ATXN1: variants seen among roughly 807,000 people sequenced by gnomAD.
The protein encoded by ATXN1 is ataxin-1.
ATXN1 carries 8 observed loss-of-function variants against 56.4 expected under a neutral mutation model. That is an observed-to-expected ratio of 0.14 (90% confidence interval 0.08 to 0.26). ATXN1 has a LOEUF of 0.26. Among genes scored for constraint, ATXN1 ranks in the 10% least tolerant of loss-of-function variants. The pLI is 1.00. For synonymous variants in ATXN1, 514 were observed against 494.6 expected (o/e 1.04, Z -0.52); for missense variants, 987 against 1,106.5 (o/e 0.89, Z 1.53).
intron 6 of ATXN1, among the ~76,000 whole-genome samples, chr6:16,347,901 C>A (rs944536207): frequency 6.6e-6 from 1 of 152,204 alleles, no homozygotes; most frequent in African/African-American, 2.4e-5. Flanking sequence ...TGCAATAAAT[C>A]TTGCTGCTGC....
chr6:16,526,821 A>G (rs1761404840), intron 4 of ATXN1, among the ~76,000 whole-genome samples: 1 of 151,964 alleles, frequency 6.6e-6, no homozygotes, highest in Non-Finnish European at 1.5e-5. Context: ...AAAAGGACTC[A>G]ATTTTAAAGA....
chr6:16,336,924 T>C (rs1761136375), intron 6 of ATXN1, among the ~76,000 whole-genome samples: 1 of 152,206 alleles, frequency 6.6e-6, no homozygotes, highest in Non-Finnish European at 1.5e-5. Context: ...ACGACTATAC[T>C]TGAAGCAATG....
At chr6:16,593,230 G>A (rs1394114475) in intron 3 of ATXN1, among the ~76,000 whole-genome samples, 1 of 152,172 alleles carries the variant, frequency 6.6e-6, no homozygotes, top group Non-Finnish European at 1.5e-5. Flanking sequence ...CCACTCAGTA[G>A]TTACTGTCAG....
At chr6:16,349,095 G>T (rs1761511424) in intron 6 of ATXN1, among the ~76,000 whole-genome samples, 1 of 152,246 alleles carries the variant, frequency 6.6e-6, no homozygotes, top group Non-Finnish European at 1.5e-5. Context: ...ATTTAGATGA[G>T]GGCCTGGCGT....
intron 6 of ATXN1, among the ~76,000 whole-genome samples, chr6:16,402,132 C>T (rs973479576): frequency 2.6e-5 from 4 of 152,106 alleles, no homozygotes; most frequent in Non-Finnish European, 4.4e-5. Context: ...CCAGGTCCCT[C>T]CCACACACAT....
At chr6:16,503,740 G>C (rs1166124714) in intron 5 of ATXN1, among the ~76,000 whole-genome samples, 1 of 152,088 alleles carries the variant, frequency 6.6e-6, no homozygotes, top group Non-Finnish European at 1.5e-5. Flanking sequence ...TGGGTGAGTG[G>C]ATGACATGAC....
intron 2 of ATXN1, among the ~76,000 whole-genome samples, chr6:16,725,881 A>T (rs1280162177): frequency 6.6e-6 from 1 of 152,240 alleles, no homozygotes; most frequent in Non-Finnish European, 1.5e-5. Flanking sequence ...GTACACAAGG[A>T]ACAAGTGCAT....
intron 5 of ATXN1, among the ~76,000 whole-genome samples, chr6:16,513,207 T>C (rs1761114941): frequency 6.6e-6 from 1 of 152,194 alleles, no homozygotes; most frequent in Non-Finnish European, 1.5e-5. Context: ...AAACAGCAAA[T>C]GTCCTTTCAA....
intron 4 of ATXN1, among the ~76,000 whole-genome samples, chr6:16,556,253 T>C (rs1762011717): frequency 6.6e-6 from 1 of 152,226 alleles, no homozygotes; most frequent in Non-Finnish European, 1.5e-5. Flanking sequence ...GTTTATCAGG[T>C]GACTTGATCT....
chr6:16,467,930 G>A (rs1217379843), intron 6 of ATXN1, among the ~76,000 whole-genome samples: 4 of 152,060 alleles, frequency 2.6e-5, no homozygotes, highest in African/African-American at 4.8e-5. Flanking sequence ...TGTAAAACAC[G>A]GATATTCTCT....
intron 5 of ATXN1, among the ~76,000 whole-genome samples, chr6:16,513,406 C>G (rs1761118031): frequency 6.6e-6 from 1 of 152,150 alleles, no homozygotes; most frequent in African/African-American, 2.4e-5. Flanking sequence ...AGAAAATATG[C>G]TTGAAACTAT....
At chr6:16,407,553 A>G (rs1758710713) in intron 6 of ATXN1, among the ~76,000 whole-genome samples, 1 of 152,258 alleles carries the variant, frequency 6.6e-6, no homozygotes. Flanking sequence ...CTTATATAGC[A>G]TATCAATTCA....
intron 7 of ATXN1, among the ~76,000 whole-genome samples, chr6:16,308,123 T>C (rs1581679090): frequency 6.6e-6 from 1 of 151,516 alleles, no homozygotes; most frequent in East Asian, 1.9e-4. Context: ...CACTTTACTC[T>C]GAGACCAGCC....
At chr6:16,562,043 G>A (rs1005295514) in intron 4 of ATXN1, among the ~76,000 whole-genome samples, 1 of 152,150 alleles carries the variant, frequency 6.6e-6, no homozygotes, top group Admixed American at 6.6e-5. Context: ...CAGAGCAGTA[G>A]AGGGTAAGAG....
intron 6 of ATXN1, among the ~76,000 whole-genome samples, chr6:16,359,235 G>C (rs1306621386): frequency 6.6e-6 from 1 of 152,212 alleles, no homozygotes; most frequent in Non-Finnish European, 1.5e-5. Flanking sequence ...AGGCGAGGGA[G>C]GGCCTGAAGG....
chr6:16,739,714 C>T (rs1760264582), intron 2 of ATXN1: 11 of 434,610 alleles, frequency 2.5e-5, no homozygotes, highest in South Asian at 1.7e-4. Flanking sequence ...ACAGCTAAAA[C>T]ATTGATTCTC....
At chr6:16,560,050 T>A (rs539651003) in intron 4 of ATXN1, among the ~76,000 whole-genome samples, 113 of 152,198 alleles carry the variant, frequency 7.4e-4, no homozygotes, top group African/African-American at 2.6e-3. Context: ...CCATTCAAAT[T>A]TGCCCTCTGT....
intron 6 of ATXN1, among the ~76,000 whole-genome samples, chr6:16,386,402 A>C (rs1421037472): frequency 1.3e-5 from 2 of 152,250 alleles, no homozygotes; most frequent in Non-Finnish European, 2.9e-5. Context: ...GAACATTTTA[A>C]CATATTTGCA....
At chr6:16,715,661 C>A (rs1759623210) in intron 2 of ATXN1, among the ~76,000 whole-genome samples, 1 of 152,160 alleles carries the variant, frequency 6.6e-6, no homozygotes. Context: ...TTCTGATGAC[C>A]AAATCTACAG....
Sources: allele counts gnomAD v4.1 joint callset (sites outside exome capture counted in the v4.1 genomes callset), GRCh38; gene constraint gnomAD v4.1.1; transcripts MANE v1.5; gene names NCBI Gene and HGNC (gene_info 2026-07-23, HGNC 2026-07-21).